The following BFSP1 variants were observed in gnomAD, a reference collection of about 807,000 sequenced individuals.
BFSP1 encodes the protein beaded filament structural protein 1.
Under a neutral mutation model 43.9 loss-of-function variants are expected in BFSP1, and 38 were observed. That is an observed-to-expected ratio of 0.87 (90% CI 0.67 to 1.14). The LOEUF (loss-of-function observed/expected upper bound fraction) is 1.14, where lower values mean the gene tolerates loss of function less well. Among genes scored for constraint, BFSP1 ranks in the 50% most tolerant of loss-of-function variants. BFSP1 has a pLI of 0.00. For synonymous variants in BFSP1, 352 were observed against 354.8 expected (o/e 0.99, Z 0.09); for missense variants, 850 against 875.1 (o/e 0.97, Z 0.36).
intron 1 of BFSP1, among the ~76,000 whole-genome samples, chr20:17,539,105 C>CTTCTTTTTTTTTTT (rs34002192): frequency 6.3e-5 from 4 of 63,566 alleles, no homozygotes; most frequent in Admixed American, 2.1e-4. Flanking sequence ...ATTTCTTCTT[C>CTTCTTTTTTTTTTT]TTTTTTTTTT....
Position 17,499,028 on chromosome 20 carries a change from C to T in BFSP1, c.748G>A (p.Glu250Lys). Residue 250 changes from glutamate (E) to lysine (K), a missense_variant, in exon 6 of 8, where the codon GAA (glutamate) becomes AAA (lysine). Transcript: ENST00000377873. ...TCATGGGCACTTTTAATAGCTTGTTCCAGAGTTGTTGTCTGTGGGCAAGGA... is the reference window on the plus strand; with the variant it reads ...TCATGGGCACTTTTAATAGCTTGTTTCAGAGTTGTTGTCTGTGGGCAAGGA... ...VELQAQTTTL[E>K]QAIKSAHECY... 2 of 1,614,062 alleles carry T rather than the reference C, an allele frequency of 1.2e-6. No individual in the cohort carries two copies. The highest frequency in any genetic ancestry group is 1.7e-6 in the Non-Finnish European group (2 of 1,179,974).
chr20:17,498,705 T>C lies in BFSP1; in HGVS notation c.956+115A>G, dbSNP rs144907911. 20,261 of 1,232,596 alleles carry C rather than the reference T, an allele frequency of 0.016. 204 individuals carry two copies. The highest frequency in any genetic ancestry group is 0.02 in the Middle Eastern group (73 of 3,664). The allele number at this position is 1,232,596 out of a possible 1,614,324, so 76.4% of individuals were successfully genotyped here. A position where few individuals can be genotyped will look rare whatever the true frequency, so the allele number is the denominator to read the frequency against. On this transcript the variant is annotated intron_variant, in intron 6 of 7. Transcript: ENST00000377873. ...ACACCCATGGGGTCAGGAATTGTTC[T>C]GTTTCCTTCCCTGACACATGCCCAC...
chr20:17,510,674 G>A lies in BFSP1; in HGVS notation c.627+1302C>T, dbSNP rs142935894. Among the ~76,000 whole-genome samples the A allele has an allele frequency of 3.5e-4, 54 of 152,274 alleles. No homozygotes were observed. In the Middle Eastern group the frequency reaches 0.01, roughly 29 times the overall value. On this transcript the variant is annotated intron_variant, in intron 4 of 7. Transcript: ENST00000377873. ...TTAAGACGAAAAAGTTCAGGCAGCC[G>A]GTGACCCCAGCCCATGGGTTCTGCA...
intron 5 of BFSP1, among the ~76,000 whole-genome samples, chr20:17,499,867 G>C (rs1278412220): frequency 6.6e-6 from 1 of 152,098 alleles, no homozygotes; most frequent in East Asian, 1.9e-4. Context: ...GCTGCAGTGA[G>C]CCAAGACCAC....
intron 1 of BFSP1, among the ~76,000 whole-genome samples, chr20:17,544,664 A>G: frequency 6.6e-6 from 1 of 152,242 alleles, no homozygotes; most frequent in East Asian, 1.9e-4. Flanking sequence ...GGAATAATAT[A>G]TGGAGTTAAA....
intron 5 of BFSP1, 146 bp from the exon 6 acceptor site, chr20:17,499,186 T>C: frequency 1.4e-6 from 1 of 710,130 alleles, no homozygotes; most frequent in South Asian, 1.9e-5. Flanking sequence ...ATGAATCACT[T>C]TGGAATCCTT....
rs1600662395 is a variant in BFSP1, at chr20:17,525,652, G to A, written c.378-744C>T. ...GACAACTGAGGCACGTCCCTCTGGG[G>A]GAATTTTAACCCTAAAGAGAGAAGA... On this transcript the variant is annotated intron_variant, in intron 1 of 7. Coordinates refer to ENST00000377873, the MANE Select transcript of BFSP1 (RefSeq NM_001195.5). This position sits in a 1 kb window ranked among gnomAD's most constrained non-coding sequence, Gnocchi z 4.2. 6.6e-6 allele frequency among the ~76,000 whole-genome samples: 1 copy of A among 152,242 alleles called. No individual in the cohort carries two copies. The highest frequency in any genetic ancestry group is 6.5e-5 in the Admixed American group (1 of 15,296).
At position 17,507,272 on chromosome 20, in the gene BFSP1, G is replaced by GGT. The variant is rs373485156; in HGVS notation, c.735+1615_735+1616dup. Among the ~76,000 whole-genome samples, 19,496 of 141,092 alleles carry GGT rather than the reference G, an allele frequency of 0.14. 1,641 individuals carry two copies. Among genetic ancestry groups the GGT allele is most frequent in the African/African-American group, 0.26 (9,908 of 37,776 alleles). The allele number at this position is 141,092 out of a possible 152,430, so 92.6% of individuals were successfully genotyped here. On this transcript the variant is annotated intron_variant, in intron 5 of 7. Coordinates refer to ENST00000377873, the MANE Select transcript of BFSP1 (RefSeq NM_001195.5). The surrounding 1 kb of genome is among the most constrained non-coding windows in gnomAD (Gnocchi z 4.4). Reference sequence around the variant, plus strand: ...GCGAGCCATACACATCAGATAGGTAGGTGTGTGTGTGTGTGTGTGTGTGTG... The same window carrying GGT: ...GCGAGCCATACACATCAGATAGGTAGGTGTGTGTGTGTGTGTGTGTGTGTGTG...
In BFSP1 at chr20:17,531,264, C is replaced by T. The variant is rs772173689; in HGVS notation, c.66G>A (p.Ser22=). The T allele has an allele frequency of 4.0e-5, 58 of 1,446,446 alleles. No individual in the cohort carries two copies. The highest frequency in any genetic ancestry group is 4.9e-5 in the Non-Finnish European group (54 of 1,101,044). The allele number at this position is 1,446,446 out of a possible 1,614,324, so 89.6% of individuals were successfully genotyped here. Residue 22 remains serine, a synonymous_variant, in exon 1 of 8, where the codon TCG becomes TCA. Coordinates refer to ENST00000377873, the MANE Select transcript of BFSP1 (RefSeq NM_001195.5). ...CCGGGCGCTCGGGCTCGGCGGCGCG[C>T]GAAGCCTCGTCGGCGTGCTCGTACT... The part of the protein sequence containing the change: ...KEQYEHADEA[S]RAAEPERPAD...
Position 17,531,254 on chromosome 20 carries a change from C to T in BFSP1, c.76G>A (p.Glu26Lys). 7.0e-7 allele frequency: 1 copy of T among 1,430,792 alleles called. No homozygotes were observed. Among genetic ancestry groups the T allele is most frequent in the Non-Finnish European group, 9.1e-7 (1 of 1,093,374 alleles). 88.6% of individuals were successfully genotyped at this position (1,430,792 alleles called of 1,614,324 possible). A position where few individuals can be genotyped will look rare whatever the true frequency, so the allele number is the denominator to read the frequency against. ...CCCTCGTCGGCCGGGCGCTCGGGCT[C>T]GGCGGCGCGCGAAGCCTCGTCGGCG... ...EHADEASRAA[E>K]PERPADEGWA... is the part of the protein sequence containing the mutation. Residue 26 changes from glutamate to lysine, a missense_variant, in exon 1 of 8, where the codon GAG (glutamate) becomes AAG (lysine). Glu to Lys is a moderately conservative substitution (Grantham distance 56). Transcript: ENST00000377873.
At chr20:17,562,190 G>T (rs1400830986), upstream of BFSP1, among the ~76,000 whole-genome samples, 1 of 151,622 alleles carries the variant, frequency 6.6e-6, no homozygotes, top group Non-Finnish European at 1.5e-5. Context: ...AAAGTGCTGG[G>T]ATTAGAGGCA....
intron 1 of BFSP1, among the ~76,000 whole-genome samples, chr20:17,539,658 C>T (rs367550357): frequency 9.9e-5 from 15 of 151,712 alleles, no homozygotes; most frequent in Admixed American, 3.3e-4. Context: ...CCTAGCTACT[C>T]GGGAGGCTGA....
At position 17,494,671 on chromosome 20, in the gene BFSP1, T is replaced by C. The variant is rs749821236; in HGVS notation, c.1401A>G (p.Lys467=). 10 of 1,614,048 alleles carry C rather than the reference T, an allele frequency of 6.2e-6. No homozygotes were observed. The highest frequency in any genetic ancestry group is 8.5e-6 in the Non-Finnish European group (10 of 1,180,038). ...CCCCTGTGACCAGCACGTGCCGCTC[T>C]TTGGTGTAGAGCTCAGTGGGGGTCT... ...EPETPTELYT[K]ERHVLVTGDA... Residue 467 remains lysine, a synonymous_variant, in exon 8 of 8, where the codon AAA becomes AAG. Transcript: ENST00000377873.
chr20:17,532,938 G>C (rs945691355), upstream of BFSP1, among the ~76,000 whole-genome samples: 3 of 152,094 alleles, frequency 2.0e-5, no homozygotes, highest in Non-Finnish European at 4.4e-5. Flanking sequence ...GATCTTTGTG[G>C]AGTTTATTAT....
At chr20:17,567,368 AG>A (rs1338302008) in intron 1 of BFSP1, among the ~76,000 whole-genome samples, 1 of 152,228 alleles carries the variant, frequency 6.6e-6, no homozygotes, top group Non-Finnish European at 1.5e-5. Context: ...CATGACCTCA[AG>A]GAACTCCCAG....
upstream of BFSP1, among the ~76,000 whole-genome samples, chr20:17,562,430 G>A (rs765548526): frequency 2.7e-5 from 4 of 149,716 alleles, no homozygotes; most frequent in Non-Finnish European, 5.9e-5. Flanking sequence ...GGGAGGCTGA[G>A]GCAAGAGAAT....
At chr20:17,553,139 G>T (rs919503001) in intron 1 of BFSP1, among the ~76,000 whole-genome samples, 12 of 152,196 alleles carry the variant, frequency 7.9e-5, no homozygotes, top group Admixed American at 7.9e-4. Flanking sequence ...AAATCAGGAA[G>T]AGTGTGTGGG....
At chr20:17,516,800 C>T (rs928692717) in intron 2 of BFSP1, 31 of 521,858 alleles carry the variant, frequency 5.9e-5, no homozygotes, top group Admixed American at 1.9e-4. Flanking sequence ...TAAAACATTT[C>T]CTTCCTTTTC....
At chr20:17,542,759 T>C (rs2034740038) in intron 1 of BFSP1, among the ~76,000 whole-genome samples, 1 of 152,214 alleles carries the variant, frequency 6.6e-6, no homozygotes, top group Non-Finnish European at 1.5e-5. Flanking sequence ...GAACCCTAAA[T>C]TTAAATGCTA....
Sources: allele counts gnomAD v4.1 joint callset (sites outside exome capture counted in the v4.1 genomes callset), GRCh38; gene constraint gnomAD v4.1.1; non-coding constraint Gnocchi (gnomAD v3.1); transcripts MANE v1.5; gene names NCBI Gene and HGNC (gene_info 2026-07-23, HGNC 2026-07-21).